Variants in FSIP1 observed in about 807,000 individuals in gnomAD.
FSIP1 encodes the protein fibrous sheath-interacting protein 1.
A neutral mutation model predicts 60.9 loss-of-function variants in FSIP1; 65 were observed. The observed-to-expected ratio is 1.07, with a 90% confidence interval of 0.87 to 1.31. The LOEUF (loss-of-function observed/expected upper bound fraction) is 1.31. Among genes scored for constraint, FSIP1 ranks in the 40% most tolerant of loss-of-function variants. FSIP1 has a pLI of 0.00. For synonymous variants in FSIP1, 209 were observed against 221.2 expected, an observed-to-expected ratio of 0.94 and a Z score of 0.49; for missense variants, 675 against 665.5, an observed-to-expected ratio of 1.01 and a Z score of -0.16.
At chr15:39,741,782 T>G in intron 6 of FSIP1, 23 bp downstream of exon 6, 1 of 1,183,508 alleles carries the variant, frequency 8.4e-7, no homozygotes, top group East Asian at 2.3e-5. Context: ...AAAATGTGTA[T>G]AATCACACAA....
chr15:39,747,512 C>A (rs550958828), intron 5 of FSIP1: 6 of 152,294 alleles, frequency 3.9e-5, no homozygotes, highest in Non-Finnish European at 7.4e-5. Flanking sequence ...CATTGTGACT[C>A]ATCTGCTGGT....
At chr15:39,769,617 A>G (rs1056337304) in intron 3 of FSIP1, among the ~76,000 whole-genome samples, 1 of 152,208 alleles carries the variant, frequency 6.6e-6, no homozygotes, top group African/African-American at 2.4e-5. Flanking sequence ...TGCTTTATGT[A>G]TACTTCCCAT....
At chr15:39,715,672 T>C (rs1895710972) in intron 9 of FSIP1, among the ~76,000 whole-genome samples, 1 of 152,208 alleles carries the variant, frequency 6.6e-6, no homozygotes, top group Non-Finnish European at 1.5e-5. Flanking sequence ...TGGATCTCTG[T>C]CCCTACCAAA....
At chr15:39,720,993 T>C (rs1450746924) in intron 9 of FSIP1, among the ~76,000 whole-genome samples, 2 of 152,236 alleles carry the variant, frequency 1.3e-5, no homozygotes, top group South Asian at 2.1e-4. Context: ...CTTTGTTTTA[T>C]GCTAAGGAAA....
At chr15:39,668,347 C>A (rs977774937) in intron 10 of FSIP1, among the ~76,000 whole-genome samples, 1 of 152,096 alleles carries the variant, frequency 6.6e-6, no homozygotes, top group African/African-American at 2.4e-5. Flanking sequence ...GTGGACCCAC[C>A]TTGCAGAAGC....
intron 3 of FSIP1, among the ~76,000 whole-genome samples, chr15:39,766,581 G>A (rs765430141): frequency 6.6e-6 from 1 of 152,196 alleles, no homozygotes; most frequent in Non-Finnish European, 1.5e-5. Flanking sequence ...GTAAATGCCA[G>A]TCAGGTTCCA....
chr15:39,688,280 G>A (rs1474338945), intron 10 of FSIP1, among the ~76,000 whole-genome samples: 1 of 152,114 alleles, frequency 6.6e-6, no homozygotes, highest in Non-Finnish European at 1.5e-5. Flanking sequence ...TGAAAATACA[G>A]TAAGCCAAAA....
At chr15:39,726,890 T>C in intron 8 of FSIP1, 143 bp from the exon 9 acceptor site, 1 of 600,628 alleles carries the variant, frequency 1.7e-6, no homozygotes. Flanking sequence ...ACAAACAGAA[T>C]TAACATTGGG....
chr15:39,739,729 G>A lies in FSIP1; in HGVS notation c.716C>T (p.Ser239Leu), dbSNP rs890757217. 9 of 1,598,168 alleles carry A rather than the reference G, an allele frequency of 5.6e-6. No homozygotes were observed. Among genetic ancestry groups the A allele is most frequent in the African/African-American group, 4.1e-5 (3 of 74,024 alleles). The stretch of plus-strand genomic sequence containing the variant: ...CCTGAGCTCAATCTTTTCTGTATTC[G>A]AGAAAGGTTTCTTTCCTGATTTGAT... The part of the protein sequence containing the change: ...SLIKSGKKPF[S>L]NTEKIELRGK... The change falls in exon 7 of 12, where the codon TCG becomes TTG. Residue 239 changes from serine (S) to leucine (L), a missense_variant. Transcript: ENST00000350221.
chr15:39,775,211 C>T (rs1181511259), intron 2 of FSIP1, among the ~76,000 whole-genome samples: 4 of 152,048 alleles, frequency 2.6e-5, no homozygotes, highest in South Asian at 2.1e-4. Flanking sequence ...GACTCAGGGT[C>T]TCACAATGTT....
chr15:39,758,426 T>G (rs1897370727), intron 5 of FSIP1, among the ~76,000 whole-genome samples: 1 of 152,028 alleles, frequency 6.6e-6, no homozygotes, highest in Non-Finnish European at 1.5e-5. Context: ...AAAATCAGTA[T>G]TTGACTCCTG....
chr15:39,659,023 G>A (rs2140449148), intron 10 of FSIP1, among the ~76,000 whole-genome samples: 1 of 152,252 alleles, frequency 6.6e-6, no homozygotes, highest in East Asian at 1.9e-4. Context: ...GATGAACTTT[G>A]AAAATATTAT....
At chr15:39,685,313 A>G (rs1408946891) in intron 10 of FSIP1, among the ~76,000 whole-genome samples, 2 of 152,218 alleles carry the variant, frequency 1.3e-5, no homozygotes, top group African/African-American at 2.4e-5. Flanking sequence ...CCAGATGTTA[A>G]GTTTTTAATG....
chr15:39,735,207 C>T (rs1028666329), intron 8 of FSIP1, among the ~76,000 whole-genome samples: 2 of 152,262 alleles, frequency 1.3e-5, no homozygotes, highest in East Asian at 3.9e-4. Context: ...AATATGTGTT[C>T]TAAGAAATGT....
chr15:39,736,754 T>G (rs1161676401), intron 8 of FSIP1, among the ~76,000 whole-genome samples: 3 of 152,202 alleles, frequency 2.0e-5, no homozygotes, highest in Non-Finnish European at 4.4e-5. Context: ...GAGAGTGCCT[T>G]TGGGACCAGG....
At chr15:39,731,880 G>A (rs746270434) in intron 8 of FSIP1, among the ~76,000 whole-genome samples, 22 of 152,146 alleles carry the variant, frequency 1.4e-4, no homozygotes, top group South Asian at 4.1e-4. Context: ...CTAGCTTAGC[G>A]GGTGCCATTC....
At chr15:39,656,168 G>A (rs1426288761) in intron 10 of FSIP1, among the ~76,000 whole-genome samples, 1 of 152,060 alleles carries the variant, frequency 6.6e-6, no homozygotes, top group East Asian at 1.9e-4. Flanking sequence ...AGGCTGTGAA[G>A]CCAATTAAGT....
intron 5 of FSIP1, among the ~76,000 whole-genome samples, chr15:39,756,556 C>T (rs776435978): frequency 6.6e-6 from 1 of 151,866 alleles, no homozygotes; most frequent in Non-Finnish European, 1.5e-5. Context: ...AGGTTGGTCT[C>T]GAACTCCTGG....
intron 5 of FSIP1, among the ~76,000 whole-genome samples, chr15:39,749,089 C>T (rs561054892): frequency 5.9e-5 from 9 of 151,562 alleles, no homozygotes; most frequent in African/African-American, 1.5e-4. Context: ...ATATAAACTA[C>T]CACTATTAAA....
Sources: allele counts gnomAD v4.1 joint callset (sites outside exome capture counted in the v4.1 genomes callset), GRCh38; gene constraint gnomAD v4.1.1; transcripts MANE v1.5; gene names NCBI Gene and HGNC (gene_info 2026-07-23, HGNC 2026-07-21).